BOC: variants seen among roughly 807,000 people sequenced by gnomAD.
The protein encoded by BOC is BOC cell adhesion associated, oncogene regulated, also known as brother of CDO.
A neutral mutation model predicts 112.0 loss-of-function variants in BOC; 76 were observed. The ratio of observed to expected loss-of-function variants is 0.68; its 90% CI spans 0.56 to 0.82. The LOEUF is 0.82. Among genes scored for constraint, BOC ranks in the 40% least tolerant of loss-of-function variants. BOC has a pLI of 0.00. For synonymous variants in BOC, 580 were observed against 599.8 expected, an observed-to-expected ratio of 0.97 and a Z score of 0.48; for missense variants, 1,309 against 1,511.7, an observed-to-expected ratio of 0.87 and a Z score of 2.22.
intron 2 of BOC, among the ~76,000 whole-genome samples, chr3:113,225,341 A>G (rs1183844393): frequency 6.6e-6 from 1 of 152,140 alleles, no homozygotes; most frequent in Non-Finnish European, 1.5e-5. Flanking sequence ...GCCAGCCAGT[A>G]CTTTCTCACG....
chr3:113,246,434 G>A (rs994528088), intron 2 of BOC, among the ~76,000 whole-genome samples: 3 of 152,102 alleles, frequency 2.0e-5, no homozygotes, highest in Admixed American at 6.5e-5. Flanking sequence ...ATGGGACAAC[G>A]TTACACTGCA....
chr3:113,239,003 A>C (rs556477416), intron 2 of BOC, among the ~76,000 whole-genome samples: 29 of 152,338 alleles, frequency 1.9e-4, no homozygotes, highest in African/African-American at 6.7e-4. Flanking sequence ...CTGTTCAATA[A>C]ATTAGCCACT....
chr3:113,233,155 GT>G lies in BOC; in HGVS notation c.-81-16566del, dbSNP rs1559816905. ...GAGCATGTAAAGGATTGGGGTGTGT[GT>G]GTGTGTGTGTGTGTGTGTGTGTGTG... On this transcript the variant is annotated intron_variant, in intron 2 of 19. Coordinates refer to ENST00000682979, the MANE Select transcript of BOC (RefSeq NM_001378074.1). Among the ~76,000 whole-genome samples the G allele has an allele frequency of 6.4e-3, 754 of 117,058 alleles. 17 individuals are homozygous for G. Among genetic ancestry groups the G allele is most frequent in the East Asian group, 0.039 (190 of 4,934 alleles). The allele number at this position is 117,058 out of a possible 152,430, so 76.8% of individuals were successfully genotyped here.
chr3:113,257,156 T>G (rs1946312612), intron 4 of BOC, among the ~76,000 whole-genome samples: 2 of 152,288 alleles, frequency 1.3e-5, no homozygotes, highest in Middle Eastern at 3.4e-3. Flanking sequence ...GAAATTAGAT[T>G]CTCCCTAAGT....
chr3:113,274,604 A>G lies in BOC; in HGVS notation c.1464A>G (p.Ser488=). 1.2e-6 allele frequency: 2 copies of G among 1,613,612 alleles called. No homozygotes were observed. Among genetic ancestry groups the G allele is most frequent in the Non-Finnish European group, 1.7e-6 (2 of 1,179,912 alleles). The change falls in exon 9 of 20, where the codon TCA becomes TCG. Residue 488 remains serine, a synonymous_variant. Transcript: ENST00000682979. The surrounding 1 kb of genome is among the most constrained non-coding windows in gnomAD (Gnocchi z 4.8). ...CGCCCCGCACCTCCAAGACAGACTC[A>G]TATGAACTGGTGTGGCGGCCTCGGC... ...LSSPRTSKTD[S]YELVWRPRHE...
intron 4 of BOC, among the ~76,000 whole-genome samples, chr3:113,264,909 C>T (rs1049852054): frequency 6.6e-6 from 1 of 152,202 alleles, no homozygotes; most frequent in Non-Finnish European, 1.5e-5. Context: ...CTGCCAGTCG[C>T]CCCTTGTGGG....
Position 113,285,556 on chromosome 3 carries a change from T to A in BOC, c.3151T>A (p.Phe1051Ile). Residue 1051 changes from phenylalanine to isoleucine, a missense_variant, in exon 19 of 20, where the codon TTT becomes ATT. Physicochemically the swap from Phe to Ile is conservative, Grantham distance 21. Transcript: ENST00000682979. ...PVLEAVWDPP[F>I]HSGPPCCLGL... Reference sequence around the variant, plus strand: ...CCTGGAAGCAGTGTGGGACCCTCCATTTCACTCAGGTTGGTTCCAGGAGCA... The same window carrying A: ...CCTGGAAGCAGTGTGGGACCCTCCAATTCACTCAGGTTGGTTCCAGGAGCA... 1 of 1,581,574 alleles carries A rather than the reference T, an allele frequency of 6.3e-7. No individual in the cohort carries two copies. Among genetic ancestry groups the A allele is most frequent in the Non-Finnish European group, 8.6e-7 (1 of 1,163,356 alleles).
intron 16 of BOC, 142 bp downstream of exon 16, chr3:113,283,774 AC>A (rs1345792798): frequency 4.1e-6 from 3 of 735,876 alleles, no homozygotes; most frequent in Admixed American, 2.9e-5. Flanking sequence ...ACACCCAACG[AC>A]TGGGCCCCTC....
At chr3:113,235,026 G>A (rs1943232148) in intron 2 of BOC, among the ~76,000 whole-genome samples, 1 of 152,140 alleles carries the variant, frequency 6.6e-6, no homozygotes, top group African/African-American at 2.4e-5. Flanking sequence ...TTCACACACT[G>A]GTCGCTAGTC....
At position 113,284,333 on chromosome 3, in the gene BOC, A is replaced by G. The variant is rs1388963591; in HGVS notation, c.2657-2A>G. 1 of 1,613,046 alleles carries G rather than the reference A, an allele frequency of 6.2e-7. No homozygotes were observed. Among genetic ancestry groups the G allele is most frequent in the East Asian group, 2.2e-5 (1 of 44,856 alleles). On this transcript the variant is annotated splice_acceptor_variant, in intron 16 of 19. Coordinates refer to ENST00000682979, the MANE Select transcript of BOC (RefSeq NM_001378074.1). LOFTEE classifies it high-confidence loss of function. ...CACACCTTTATTTTTCTGTCCTTCC[A>G]GAACATACAACAGACCTGGGTTTTC...
rs1396983572 is a variant in BOC, at chr3:113,284,477, T to C, written c.2799T>C (p.Asn933=). 2.5e-6 allele frequency: 4 copies of C among 1,614,180 alleles called. No homozygotes were observed. Among genetic ancestry groups the C allele is most frequent in the African/African-American group, 2.7e-5 (2 of 75,046 alleles). The change falls in exon 17 of 20, where the codon AAT becomes AAC. Residue 933 remains asparagine (N), a synonymous_variant. Transcript: ENST00000682979. ...GCATCAGTGGACGGGCCTGTGCTAATGGGATCCACATGAATAGGGGCTGCC... is the reference window on the plus strand; with the variant it reads ...GCATCAGTGGACGGGCCTGTGCTAACGGGATCCACATGAATAGGGGCTGCC... ...LSGISGRACA[N]GIHMNRGCPS... is the part of the protein sequence containing the mutation.
intron 2 of BOC, among the ~76,000 whole-genome samples, chr3:113,245,478 C>T (rs1464048156): frequency 4.6e-5 from 7 of 152,188 alleles, no homozygotes; most frequent in Non-Finnish European, 7.3e-5. Flanking sequence ...ATATTTGCTT[C>T]AATGCCTCTC....
At chr3:113,211,385 G>A (rs564700033), upstream of BOC, 1 of 152,434 alleles carries the variant, frequency 6.6e-6, no homozygotes, top group Admixed American at 6.5e-5. Flanking sequence ...CGGGAAAACT[G>A]CCCTAGAGTT....
chr3:113,238,060 G>A (rs1393165024), intron 2 of BOC, among the ~76,000 whole-genome samples: 1 of 152,174 alleles, frequency 6.6e-6, no homozygotes, highest in Non-Finnish European at 1.5e-5. Flanking sequence ...GTTATATAAG[G>A]TGTGTGAGAT....
Position 113,226,772 on chromosome 3 carries a change from G to T in BOC, c.-82+10498G>T, listed in dbSNP as rs192453763. On this transcript the variant is annotated intron_variant, in intron 2 of 19. Transcript: ENST00000682979. ...AAGCTTGTGATGCCTACTGTAGCCT[G>T]CCTCTCCTCAGTCACTTGAGGTTTA... is the stretch of plus-strand genomic sequence containing the variant. Among the ~76,000 whole-genome samples the T allele has an allele frequency of 1.4e-3, 214 of 152,320 alleles. 1 individual carries two copies. The highest frequency in any genetic ancestry group is 4.7e-3 in the African/African-American group (195 of 41,584).
chr3:113,248,272 T>A (rs1249796788), intron 2 of BOC, among the ~76,000 whole-genome samples: 2 of 152,220 alleles, frequency 1.3e-5, no homozygotes, highest in Non-Finnish European at 2.9e-5. Flanking sequence ...GTCCCCTGTG[T>A]CAGGCAAGTC....
At position 113,278,521 on chromosome 3, in the gene BOC, G is replaced by C; in HGVS notation, c.1706-152G>C. ...TAGTACCACAACAGAACCAGTCTCG[G>C]CCGAGGCTGAGCCCACACCCTCAGT... is the stretch of plus-strand genomic sequence containing the variant. On this transcript the variant is annotated intron_variant, in intron 10 of 19. Coordinates refer to ENST00000682979, the MANE Select transcript of BOC (RefSeq NM_001378074.1). This position sits in a 1 kb window ranked among gnomAD's most constrained non-coding sequence, Gnocchi z 4.2. The C allele has an allele frequency of 1.3e-6, 1 of 779,406 alleles. No homozygotes were observed. Among genetic ancestry groups the C allele is most frequent in the South Asian group, 1.7e-5 (1 of 58,500 alleles). 48.3% of individuals were successfully genotyped at this position (779,406 alleles called of 1,614,324 possible). A position where few individuals can be genotyped will look rare whatever the true frequency, so the allele number is the denominator to read the frequency against.
At chr3:113,235,958 T>C (rs1943378317) in intron 2 of BOC, among the ~76,000 whole-genome samples, 1 of 152,002 alleles carries the variant, frequency 6.6e-6, no homozygotes, top group African/African-American at 2.4e-5. Context: ...TTATATACTG[T>C]TGTTGGAAAT....
intron 2 of BOC, among the ~76,000 whole-genome samples, chr3:113,217,540 A>T (rs1939674225): frequency 2.7e-5 from 4 of 150,352 alleles, no homozygotes; most frequent in Admixed American, 1.3e-4. Context: ...AAAAAAAAAG[A>T]AAGAGAGATG....
Sources: gnomAD v4.1 joint callset for allele counts (sites outside exome capture counted in the v4.1 genomes callset) on GRCh38, gnomAD v4.1.1 for gene constraint, Gnocchi (gnomAD v3.1) non-coding constraint, MANE v1.5 for transcripts, NCBI Gene and HGNC (gene_info 2026-07-23, HGNC 2026-07-21) for gene names.